Variants in SNTB1 observed in about 807,000 individuals in gnomAD.
SNTB1 encodes beta-1-syntrophin.
A neutral mutation model predicts 48.9 loss-of-function variants in SNTB1; 36 were observed. The ratio of observed to expected loss-of-function variants is 0.74; its 90% CI spans 0.56 to 0.97. The LOEUF is 0.97. Among genes scored for constraint, SNTB1 ranks in the 50% least tolerant of loss-of-function variants. The pLI, the probability that SNTB1 is intolerant of heterozygous loss-of-function variation, is 0.00. For missense variants in SNTB1, 786 were observed against 703.4 expected (o/e 1.12, Z -1.33); for synonymous variants, 299 against 294.6 (o/e 1.01, Z -0.15).
chr8:120,712,414 CAAAAA>C (rs370583854), intron 1 of SNTB1, among the ~76,000 whole-genome samples: 3 of 81,328 alleles, frequency 3.7e-5, no homozygotes, highest in Admixed American at 1.2e-4. Flanking sequence ...GACTCCATCT[CAAAAA>C]AAAAAAAAAA....
chr8:120,744,940 G>T (rs1362329934), intron 1 of SNTB1, among the ~76,000 whole-genome samples: 1 of 152,082 alleles, frequency 6.6e-6, no homozygotes, highest in African/African-American at 2.4e-5. Context: ...AAAATGGCTG[G>T]TTACTCTCCA....
At chr8:120,610,636 G>A (rs1301991494) in intron 3 of SNTB1, among the ~76,000 whole-genome samples, 1 of 152,130 alleles carries the variant, frequency 6.6e-6, no homozygotes, top group East Asian at 1.9e-4. Context: ...TTGGAAGAGG[G>A]CCAAGTGGGC....
chr8:120,804,265 C>T (rs1820286905), intron 1 of SNTB1, among the ~76,000 whole-genome samples: 2 of 151,806 alleles, frequency 1.3e-5, no homozygotes, highest in Admixed American at 1.3e-4. Context: ...TTTCCTTCCA[C>T]CCATCCATTC....
intron 4 of SNTB1, among the ~76,000 whole-genome samples, chr8:120,566,884 C>A (rs1815758620): frequency 6.6e-6 from 1 of 152,094 alleles, no homozygotes; most frequent in Non-Finnish European, 1.5e-5. Context: ...TGATTGTTAG[C>A]TGGAATAAGA....
intron 4 of SNTB1, among the ~76,000 whole-genome samples, chr8:120,554,111 G>C (rs1304745153): frequency 6.6e-6 from 1 of 152,174 alleles, no homozygotes; most frequent in Non-Finnish European, 1.5e-5. Flanking sequence ...TTCCCGGGGA[G>C]GTCCACTGCC....
intron 1 of SNTB1, among the ~76,000 whole-genome samples, chr8:120,774,646 CTTGTTTGT>C (rs199561190): frequency 1.2e-4 from 18 of 151,830 alleles, no homozygotes; most frequent in African/African-American, 3.6e-4. Flanking sequence ...GGTTTGTTTG[CTTGTTTGT>C]TTGTTTGTTT....
chr8:120,738,932 C>G (rs1315547906), intron 1 of SNTB1, among the ~76,000 whole-genome samples: 4 of 152,186 alleles, frequency 2.6e-5, no homozygotes, highest in Non-Finnish European at 5.9e-5. Context: ...CAACTTCACT[C>G]ATCAACCATG....
chr8:120,774,724 G>A (rs1263972547), intron 1 of SNTB1, among the ~76,000 whole-genome samples: 3 of 152,024 alleles, frequency 2.0e-5, no homozygotes, highest in Admixed American at 6.6e-5. Flanking sequence ...GCACAACCTC[G>A]GCTCACTGTG....
At chr8:120,603,905 T>C (rs1816467582) in intron 3 of SNTB1, among the ~76,000 whole-genome samples, 1 of 152,170 alleles carries the variant, frequency 6.6e-6, no homozygotes, top group African/African-American at 2.4e-5. Context: ...AGGTACACTT[T>C]GACCAGGGAT....
chr8:120,782,875 T>C (rs796157820), intron 1 of SNTB1, among the ~76,000 whole-genome samples: 27 of 152,342 alleles, frequency 1.8e-4, no homozygotes, highest in African/African-American at 6.3e-4. Flanking sequence ...TTTTGCTTTT[T>C]CACTCAGAAA....
chr8:120,696,230 A>T (rs753254793), intron 1 of SNTB1, among the ~76,000 whole-genome samples: 8 of 152,188 alleles, frequency 5.3e-5, no homozygotes, highest in Non-Finnish European at 8.8e-5. Flanking sequence ...TGGAGTAGGG[A>T]TGAGTGTTGC....
intron 1 of SNTB1, among the ~76,000 whole-genome samples, chr8:120,702,574 AG>A (rs1199896133): frequency 9.2e-5 from 14 of 151,708 alleles, no homozygotes; most frequent in South Asian, 2.1e-4. Context: ...CTTAAACACC[AG>A]CTGTGCTTTG....
intron 3 of SNTB1, among the ~76,000 whole-genome samples, chr8:120,609,022 C>G (rs1816572386): frequency 6.6e-6 from 1 of 152,056 alleles, no homozygotes. Flanking sequence ...CTGCTGAGAT[C>G]CTTAAATTTA....
chr8:120,786,708 G>A (rs915951982), intron 1 of SNTB1, among the ~76,000 whole-genome samples: 5 of 152,270 alleles, frequency 3.3e-5, no homozygotes, highest in African/African-American at 1.2e-4. Flanking sequence ...CTGGAAGGAG[G>A]ACTGCTTTCC....
At chr8:120,790,329 G>A (rs1277552436) in intron 1 of SNTB1, among the ~76,000 whole-genome samples, 1 of 151,932 alleles carries the variant, frequency 6.6e-6, no homozygotes, top group Non-Finnish European at 1.5e-5. Flanking sequence ...ACTGGAACAA[G>A]ACAAGGATGC....
At chr8:120,772,238 C>T (rs895682038) in intron 1 of SNTB1, among the ~76,000 whole-genome samples, 2 of 107,410 alleles carry the variant, frequency 1.9e-5, no homozygotes, top group Non-Finnish European at 3.3e-5. Context: ...TAGGGTCACA[C>T]AATTTTTTCT....
rs1554643533 is a variant in SNTB1, at chr8:120,537,148, A to AAC, written c.*1728_*1729insGT. On this transcript the variant is annotated 3_prime_UTR_variant, in exon 7 of 7. Transcript: ENST00000517992. ...TGTGTTTTCTAAAGCATTAAAAAAA[A>AAC]AAAACAAATAACAACAACAAAAAAA... is the stretch of plus-strand genomic sequence containing the variant. The AAC allele has an allele frequency of 6.6e-6, 1 of 151,378 alleles. No individual in the cohort carries two copies. Among genetic ancestry groups the AAC allele is most frequent in the African/African-American group, 2.4e-5 (1 of 41,132 alleles). The allele number at this position is 151,378 out of a possible 1,614,324, so 9.4% of individuals were successfully genotyped here.
Position 120,693,628 on chromosome 8 carries a change from C to A in SNTB1, c.788+64G>T, listed in dbSNP as rs1167232822. ...GAACATGAGGGCAATCTCGTGAAAG[C>A]CCCCATTTAGCCTGAGAGGCCGAGG... On this transcript the variant is annotated intron_variant, in intron 2 of 6. Coordinates refer to ENST00000517992, the MANE Select transcript of SNTB1 (RefSeq NM_021021.4). 3.6e-6 allele frequency: 5 copies of A among 1,390,584 alleles called. No individual in the cohort carries two copies. The East Asian group carries it at 6.9e-5, about 19-fold the overall frequency. The allele number at this position is 1,390,584 out of a possible 1,614,324, so 86.1% of individuals were successfully genotyped here.
chr8:120,557,340 C>A (rs939380489), intron 4 of SNTB1, among the ~76,000 whole-genome samples: 1 of 152,130 alleles, frequency 6.6e-6, no homozygotes, highest in Non-Finnish European at 1.5e-5. Context: ...CTAATCTAGG[C>A]GAGAAAACCA....
Sources: allele counts gnomAD v4.1 joint callset (sites outside exome capture counted in the v4.1 genomes callset), GRCh38; gene constraint gnomAD v4.1.1; transcripts MANE v1.5; gene names NCBI Gene and HGNC (gene_info 2026-07-23, HGNC 2026-07-21).